Variants in GPC6 observed in about 807,000 individuals in gnomAD.
GPC6 encodes glypican-6.
In GPC6, 14 loss-of-function variants were observed where a neutral mutation model predicts 55.2. The observed-to-expected ratio is 0.25, with a 90% CI of 0.17 to 0.40. GPC6 has a LOEUF of 0.40. GPC6 is among the 10% of genes least tolerant of loss of function. The pLI is 1.00. For missense variants in GPC6, 641 were observed against 708.5 expected (o/e 0.90, Z 1.08); for synonymous variants, 278 against 259.6 (o/e 1.07, Z -0.68).
At chr13:93,944,413 C>T (rs1245620105) in intron 3 of GPC6, among the ~76,000 whole-genome samples, 1 of 151,970 alleles carries the variant, frequency 6.6e-6, no homozygotes. Flanking sequence ...ACTGTGTTAG[C>T]CAGGATGGTC....
chr13:93,401,689 C>CTTTTTTTTTTTTTTTTTTTT (rs4001853), intron 1 of GPC6, among the ~76,000 whole-genome samples: 1 of 64,506 alleles, frequency 1.6e-5, no homozygotes, highest in Non-Finnish European at 3.3e-5. Context: ...CATGAATGGA[C>CTTTTTTTTTTTTTTTTTTTT]TTTTTTTTTT....
At chr13:93,984,152 G>A (rs993853799) in intron 3 of GPC6, among the ~76,000 whole-genome samples, 1 of 152,036 alleles carries the variant, frequency 6.6e-6, no homozygotes, top group East Asian at 1.9e-4. Context: ...CCAGGATTCT[G>A]CTTGATCTTA....
intron 2 of GPC6, among the ~76,000 whole-genome samples, chr13:93,709,698 C>G (rs1268559245): frequency 1.3e-5 from 2 of 151,696 alleles, no homozygotes; most frequent in Non-Finnish European, 2.9e-5. Flanking sequence ...GGAAAAAATA[C>G]ATTGTGTATC....
chr13:93,665,737 T>A (rs1274902049), intron 2 of GPC6, among the ~76,000 whole-genome samples: 1 of 152,156 alleles, frequency 6.6e-6, no homozygotes, highest in African/African-American at 2.4e-5. Flanking sequence ...CGTTTTTGAG[T>A]ACTGAAGAAA....
chr13:94,043,514 T>C lies in GPC6; in HGVS notation c.877+15620T>C, dbSNP rs79538263. ...CAATAATAAAACCAGGAAATTAACA[T>C]TGCTATAATACTATTAACTAAACTA... is the stretch of plus-strand genomic sequence containing the variant. On this transcript the variant is annotated intron_variant, in intron 4 of 8. Transcript: ENST00000377047. 5.0e-3 allele frequency among the ~76,000 whole-genome samples: 755 copies of C among 151,984 alleles called. 11 individuals are homozygous for C. The highest frequency in any genetic ancestry group is 0.018 in the African/African-American group (727 of 41,504).
At chr13:94,159,239 G>T (rs977082994) in intron 4 of GPC6, among the ~76,000 whole-genome samples, 1 of 152,132 alleles carries the variant, frequency 6.6e-6, no homozygotes, top group African/African-American at 2.4e-5. Context: ...TGTTGAAAAA[G>T]TGGTGGGCAG....
chr13:94,078,410 C>A (rs9524323), intron 4 of GPC6, among the ~76,000 whole-genome samples: 27,468 of 151,274 alleles, frequency 0.18, 2,615 homozygotes, highest in South Asian at 0.25. Context: ...TAAAGATTAG[C>A]GTAGAAATAA....
chr13:94,276,627 C>T (rs1235504043), intron 4 of GPC6, among the ~76,000 whole-genome samples: 1 of 152,046 alleles, frequency 6.6e-6, no homozygotes, highest in East Asian at 1.9e-4. Context: ...GTTTGTTGTT[C>T]CCCTTCCTGT....
chr13:94,271,090 AT>A (rs1192707959), intron 4 of GPC6, among the ~76,000 whole-genome samples: 1 of 140,002 alleles, frequency 7.1e-6, no homozygotes, highest in Non-Finnish European at 1.5e-5. Flanking sequence ...TCCCAGGTTC[AT>A]GCCATTCTCC....
intron 1 of GPC6, among the ~76,000 whole-genome samples, chr13:93,340,235 C>T (rs1412334894): frequency 1.3e-5 from 2 of 151,782 alleles, no homozygotes; most frequent in East Asian, 3.9e-4. Context: ...GGGGTTTCAC[C>T]GTGTTAGCCA....
At chr13:93,565,373 A>G (rs1876046164) in intron 2 of GPC6, among the ~76,000 whole-genome samples, 1 of 152,232 alleles carries the variant, frequency 6.6e-6, no homozygotes, top group Non-Finnish European at 1.5e-5. Context: ...TTCATTGCTT[A>G]TATGGCAACA....
intron 2 of GPC6, among the ~76,000 whole-genome samples, chr13:93,824,742 G>A (rs780882560): frequency 3.4e-4 from 52 of 152,112 alleles, no homozygotes; most frequent in Non-Finnish European, 6.6e-4. Context: ...GTTCTAAGAT[G>A]TGGTTTGTGG....
intron 1 of GPC6, among the ~76,000 whole-genome samples, chr13:93,471,601 T>C (rs1879119836): frequency 6.6e-6 from 1 of 152,220 alleles, no homozygotes; most frequent in South Asian, 2.1e-4. Flanking sequence ...GAGTTTAAAA[T>C]ATTTTATAAT....
At chr13:93,488,618 C>T (rs908167985) in intron 1 of GPC6, among the ~76,000 whole-genome samples, 19 of 152,188 alleles carry the variant, frequency 1.2e-4, no homozygotes, top group African/African-American at 4.3e-4. Context: ...TCTCCACATC[C>T]TCTCCAGCAC....
At chr13:94,134,685 T>C (rs1264682685) in intron 4 of GPC6, among the ~76,000 whole-genome samples, 1 of 152,186 alleles carries the variant, frequency 6.6e-6, no homozygotes, top group Non-Finnish European at 1.5e-5. Flanking sequence ...ATATTCATCA[T>C]CTTAGCAGAG....
chr13:93,707,266 C>A (rs1046616215), intron 2 of GPC6, among the ~76,000 whole-genome samples: 8 of 151,544 alleles, frequency 5.3e-5, no homozygotes, highest in Admixed American at 2.6e-4. Context: ...GGGAGAAGAT[C>A]AGGAAAAATA....
At chr13:94,106,399 G>A (rs1487715670) in intron 4 of GPC6, among the ~76,000 whole-genome samples, 1 of 152,170 alleles carries the variant, frequency 6.6e-6, no homozygotes, top group South Asian at 2.1e-4. Flanking sequence ...AGTGGGTAGC[G>A]AGACAGAGTT....
At chr13:93,538,386 A>T (rs1234947453) in intron 1 of GPC6, among the ~76,000 whole-genome samples, 2 of 152,096 alleles carry the variant, frequency 1.3e-5, no homozygotes, top group Admixed American at 1.3e-4. Flanking sequence ...TCATTTCTTT[A>T]TGTTTATATG....
intron 2 of GPC6, among the ~76,000 whole-genome samples, chr13:93,821,544 G>C (rs1188609631): frequency 1.3e-5 from 2 of 152,258 alleles, no homozygotes; most frequent in Non-Finnish European, 2.9e-5. Flanking sequence ...ACCTCGAGAA[G>C]TACAAATTTA....
Sources: allele counts gnomAD v4.1 joint callset (sites outside exome capture counted in the v4.1 genomes callset), GRCh38; gene constraint gnomAD v4.1.1; transcripts MANE v1.5; gene names NCBI Gene and HGNC (gene_info 2026-07-23, HGNC 2026-07-21).